The following CSPG4 variants were observed in gnomAD, a reference collection of about 807,000 sequenced individuals.
CSPG4 encodes chondroitin sulfate proteoglycan 4.
In CSPG4, 74 loss-of-function variants were observed where a neutral mutation model predicts 139.3. That is an observed-to-expected ratio of 0.53 (90% CI 0.44 to 0.64). The LOEUF (loss-of-function observed/expected upper bound fraction) is 0.64. Ranked by LOEUF, CSPG4 falls within the 30% of genes least tolerant of loss-of-function variation. The pLI is 0.00. For synonymous variants in CSPG4, 1,234 were observed against 1,394.2 expected (o/e 0.89, Z 2.56); for missense variants, 2,565 against 3,148.3 (o/e 0.81, Z 4.43).
At chr15:75,677,447 C>A (rs901104590) in intron 9 of CSPG4, 63 bp from the exon 10 acceptor site, 1 of 1,387,364 alleles carries the variant, frequency 7.2e-7, no homozygotes, top group African/African-American at 1.5e-5. Context: ...GGACCCTCAG[C>A]TGGGGGTGCC....
In CSPG4 at chr15:75,687,022, GC is replaced by G. The variant is rs1348319439; in HGVS notation, c.3789+253del. Reference sequence around the variant, plus strand: ...CTGGGTGGGGTCCAGGAATCTGCATGCTCAGCCATGTCATACACATGAGTGG... The same window carrying G: ...CTGGGTGGGGTCCAGGAATCTGCATGTCAGCCATGTCATACACATGAGTGG... On this transcript the variant is annotated intron_variant, in intron 3 of 9. Transcript: ENST00000308508. This position sits in a 1 kb window ranked among gnomAD's most constrained non-coding sequence, Gnocchi z 5.4. Among the ~76,000 whole-genome samples the G allele has an allele frequency of 6.6e-6, 1 of 151,830 alleles. No homozygotes were observed. The highest frequency in any genetic ancestry group is 1.5e-5 in the Non-Finnish European group (1 of 67,892).
intron 8 of CSPG4, among the ~76,000 whole-genome samples, chr15:75,681,681 C>T (rs1037122247): frequency 6.6e-6 from 1 of 152,218 alleles, no homozygotes; most frequent in African/African-American, 2.4e-5. Flanking sequence ...GGCTGGCCCC[C>T]ATGGCACAGT....
Position 75,687,604 on chromosome 15 carries a change from G to C in CSPG4, c.3461C>G (p.Thr1154Ser), listed in dbSNP as rs1894079949. ...ATCCCCACTGCGGATGTCGAGGTTG[G>C]TGTCCAGGTGGAGCACGGCCGTGTC... is the stretch of plus-strand genomic sequence containing the variant. Reference protein sequence around the residue: ...TIDTAVLHLDTNLDIRSGDEV... With the variant: ...TIDTAVLHLDSNLDIRSGDEV... The change falls in exon 3 of 10, where the codon ACC becomes AGC. Residue 1154 changes from threonine to serine, a missense_variant. Physicochemically the swap from Thr to Ser is moderately conservative, Grantham distance 58. Coordinates refer to ENST00000308508, the MANE Select transcript of CSPG4 (RefSeq NM_001897.5). This position sits in a 1 kb window ranked among gnomAD's most constrained non-coding sequence, Gnocchi z 5.4. The C allele has an allele frequency of 3.7e-6, 6 of 1,611,580 alleles. No individual in the cohort carries two copies. The highest frequency in any genetic ancestry group is 5.1e-6 in the Non-Finnish European group (6 of 1,179,086).
Position 75,689,296 on chromosome 15 carries a change from A to C in CSPG4, c.1769T>G (p.Leu590Arg), listed in dbSNP as rs1169992330. The change falls in exon 3 of 10, where the codon CTC becomes CGC. Residue 590 changes from leucine to arginine, a missense_variant. Around this residue, in one of 5 missense-constraint regions of CSPG4, gnomAD observed 2,316 missense variants for 2,818.2 expected, o/e 0.82. Transcript: ENST00000308508. ...GGAGGTGCCAAGGACCTGGAAGGTG[A>C]GGCCCTCACAGGCAGAGTCCGGGTC... The part of the protein sequence containing the change: ...AYDPDSACEG[L>R]TFQVLGTSSG... The C allele has an allele frequency of 1.2e-6, 2 of 1,610,920 alleles. No individual in the cohort carries two copies. The highest frequency in any genetic ancestry group is 2.2e-5 in the South Asian group (2 of 90,998).
chr15:75,711,684 G>C (rs1894449042), intron 1 of CSPG4, among the ~76,000 whole-genome samples: 1 of 152,252 alleles, frequency 6.6e-6, no homozygotes, highest in African/African-American at 2.4e-5. Context: ...AGGAGGCTCA[G>C]GCCCTGCCTT....
chr15:75,703,385 T>G (rs1456592852), intron 1 of CSPG4, among the ~76,000 whole-genome samples: 1 of 151,518 alleles, frequency 6.6e-6, no homozygotes, highest in African/African-American at 2.4e-5. Flanking sequence ...GAGACTGAAG[T>G]GTGGCTTCCG....
At position 75,675,487 on chromosome 15, in the gene CSPG4, T is replaced by C; in HGVS notation, c.*63A>G. Reference sequence around the variant, plus strand: ...CAGACAGCACCAGGCATGGAAGCAATGGGGCCCGGGACATGGGCAAGCCTG... The same window carrying C: ...CAGACAGCACCAGGCATGGAAGCAACGGGGCCCGGGACATGGGCAAGCCTG... On this transcript the variant is annotated 3_prime_UTR_variant, in exon 10 of 10. Coordinates refer to ENST00000308508, the MANE Select transcript of CSPG4 (RefSeq NM_001897.5). The C allele has an allele frequency of 7.1e-7, 1 of 1,403,816 alleles. No homozygotes were observed. Among genetic ancestry groups the C allele is most frequent in the Non-Finnish European group, 9.3e-7 (1 of 1,075,250 alleles). 87.0% of individuals were successfully genotyped at this position (1,403,816 alleles called of 1,614,324 possible).
Position 75,688,464 on chromosome 15 carries a change from C to T in CSPG4, c.2601G>A (p.Glu867=), listed in dbSNP as rs766578213. The change falls in exon 3 of 10, where the codon GAG becomes GAA. Residue 867 remains glutamate, a synonymous_variant. Coordinates refer to ENST00000308508, the MANE Select transcript of CSPG4 (RefSeq NM_001897.5). ...VTYGATARAS[E]AVEDTFRFRV... is the part of the protein sequence containing the mutation. ...GGAAACGGAAGGTGTCCTCGACTGCCTCTGAGGCACGTGCTGTGGCCCCAT... is the reference window on the plus strand; with the variant it reads ...GGAAACGGAAGGTGTCCTCGACTGCTTCTGAGGCACGTGCTGTGGCCCCAT... 3 of 1,613,244 alleles carry T rather than the reference C, an allele frequency of 1.9e-6. No homozygotes were observed. In the Admixed American group the frequency reaches 5.0e-5, roughly 27 times the overall value.
At position 75,700,150 on chromosome 15, in the gene CSPG4, T is replaced by C. The variant is rs550465520; in HGVS notation, c.89-6917A>G. 8.2e-3 allele frequency among the ~76,000 whole-genome samples: 1,242 copies of C among 152,038 alleles called. 13 individuals are homozygous for C. The highest frequency in any genetic ancestry group is 0.027 in the African/African-American group (1,135 of 41,448). Reference sequence around the variant, plus strand: ...GGCAGGGCTGGGACTTAAGCTCCTGTGGGTGTGGCTCCAGAGCTAGGGGCT... The same window carrying C: ...GGCAGGGCTGGGACTTAAGCTCCTGCGGGTGTGGCTCCAGAGCTAGGGGCT... On this transcript the variant is annotated intron_variant, in intron 1 of 9. Transcript: ENST00000308508.
chr15:75,697,223 T>A (rs761045382), intron 1 of CSPG4, among the ~76,000 whole-genome samples: 29 of 152,192 alleles, frequency 1.9e-4, no homozygotes, highest in Non-Finnish European at 3.7e-4. Context: ...CGGCCATCCC[T>A]GCTGCCAGGC....
intron 8 of CSPG4, among the ~76,000 whole-genome samples, chr15:75,681,941 C>G (rs1326560520): frequency 1.3e-5 from 2 of 152,240 alleles, no homozygotes; most frequent in Non-Finnish European, 2.9e-5. Context: ...AGCACTGCCC[C>G]TCATCAGCTA....
At chr15:75,700,398 C>T (rs1260771319) in intron 1 of CSPG4, among the ~76,000 whole-genome samples, 3 of 151,770 alleles carry the variant, frequency 2.0e-5, no homozygotes, top group Non-Finnish European at 4.4e-5. Flanking sequence ...GGGGGGACAG[C>T]GAGGAGGGGA....
chr15:75,702,309 C>T (rs1376638517), intron 1 of CSPG4, among the ~76,000 whole-genome samples: 1 of 152,248 alleles, frequency 6.6e-6, no homozygotes, highest in African/African-American at 2.4e-5. Context: ...CAGGCTGGGC[C>T]TGCTGCTGGG....
Position 75,682,376 on chromosome 15 carries a change from C to A in CSPG4, c.4867G>T (p.Val1623Leu). 1 of 1,596,850 alleles carries A rather than the reference C, an allele frequency of 6.3e-7. No homozygotes were observed. Among genetic ancestry groups the A allele is most frequent in the Non-Finnish European group, 8.5e-7 (1 of 1,179,850 alleles). ...TDPQLLLYRVVRGPQLGRLFH... is the reference protein window; with the variant it reads ...TDPQLLLYRVLRGPQLGRLFH... ...AGCCGGCCTAGCTGGGGGCCCCGCACCACACGGTAGAGCAGGAGCTGGGGG... is the reference window on the plus strand; with the variant it reads ...AGCCGGCCTAGCTGGGGGCCCCGCAACACACGGTAGAGCAGGAGCTGGGGG... The change falls in exon 8 of 10, where the codon GTG becomes TTG. Residue 1623 changes from valine to leucine, a missense_variant. Around this residue, in one of 5 missense-constraint regions of CSPG4, gnomAD observed 2,316 missense variants for 2,818.2 expected, o/e 0.82. Coordinates refer to ENST00000308508, the MANE Select transcript of CSPG4 (RefSeq NM_001897.5).
chr15:75,678,955 T>C (rs900045147), intron 8 of CSPG4: 1 of 358,762 alleles, frequency 2.8e-6, no homozygotes, highest in African/African-American at 2.1e-5. Context: ...CACTCTGGGG[T>C]TCCTCCTACC....
chr15:75,689,481 C>T lies in CSPG4; in HGVS notation c.1584G>A (p.Val528=), dbSNP rs760341319. The stretch of plus-strand genomic sequence containing the variant: ...CCCTCCGAAGGCATGAGGGCATGGG[C>T]ACCCGAGCCGTCACCGACACCTCCA... ...LVLEVSVTAR[V]PMPSCLRRGQ... is the part of the protein sequence containing the mutation. The change falls in exon 3 of 10, where the codon GTG becomes GTA. Residue 528 remains valine, a synonymous_variant. Transcript: ENST00000308508. 6.2e-7 allele frequency: 1 copy of T among 1,612,836 alleles called. No individual in the cohort carries two copies. The highest frequency in any genetic ancestry group is 8.5e-7 in the Non-Finnish European group (1 of 1,179,862).
chr15:75,713,037 C>T (rs1203484348), upstream of CSPG4, among the ~76,000 whole-genome samples: 2 of 152,218 alleles, frequency 1.3e-5, no homozygotes, highest in Non-Finnish European at 2.9e-5. Flanking sequence ...CAGACCCCAG[C>T]CCCACCCTAA....
At position 75,674,918 on chromosome 15, in the gene CSPG4, TTAAATAA is replaced by T; in HGVS notation, c.*625_*631del. The T allele has an allele frequency of 5.0e-6, 2 of 398,196 alleles. No individual in the cohort carries two copies. The highest frequency in any genetic ancestry group is 8.9e-6 in the Non-Finnish European group (2 of 225,942). The allele number at this position is 398,196 out of a possible 1,614,324, so 24.7% of individuals were successfully genotyped here. A position where few individuals can be genotyped will look rare whatever the true frequency, so the allele number is the denominator to read the frequency against. ...TTAAATAGCTTCCTTGCAATCTCCC[TTAAATAA>T]ACCCATCCCCAGAGCAACCTACCCA... On this transcript the variant is annotated 3_prime_UTR_variant, in exon 10 of 10. Transcript: ENST00000308508.
chr15:75,698,991 C>A lies in CSPG4; in HGVS notation c.89-5758G>T, dbSNP rs1490486561. ...GGAGACGCTCACACACCTGCAGACC[C>A]CTCAGGGCTCACTGCTCTTTAGCAA... On this transcript the variant is annotated intron_variant, in intron 1 of 9. Coordinates refer to ENST00000308508, the MANE Select transcript of CSPG4 (RefSeq NM_001897.5). This position sits in a 1 kb window ranked among gnomAD's most constrained non-coding sequence, Gnocchi z 4.3. 6.6e-6 allele frequency among the ~76,000 whole-genome samples: 1 copy of A among 152,124 alleles called. No individual in the cohort carries two copies. Among genetic ancestry groups the A allele is most frequent in the African/African-American group, 2.4e-5 (1 of 41,428 alleles).
Sources: gnomAD v4.1 joint callset for allele counts (sites outside exome capture counted in the v4.1 genomes callset) on GRCh38, gnomAD v4.1.1 for gene constraint, gnomAD v4.1.1 regional missense constraint, Gnocchi (gnomAD v3.1) non-coding constraint, MANE v1.5 for transcripts, NCBI Gene and HGNC (gene_info 2026-07-23, HGNC 2026-07-21) for gene names.